The following ZNF594 variants were observed in gnomAD, a reference collection of about 807,000 sequenced individuals.
The protein encoded by ZNF594 is zinc finger protein 594.
For missense variants in ZNF594, 1,037 were observed against 964.6 expected, an observed-to-expected ratio of 1.08 and a Z score of -0.99; for synonymous variants, 336 against 309.4, an observed-to-expected ratio of 1.09 and a Z score of -0.90.
At chr17:5,187,531 T>C (rs1379648187) in intron 1 of ZNF594, among the ~76,000 whole-genome samples, 1 of 152,186 alleles carries the variant, frequency 6.6e-6, no homozygotes, top group Non-Finnish European at 1.5e-5. Context: ...GTCATTAATC[T>C]TCTTGGAGTG....
chr17:5,188,783 T>C (rs1356628639), intron 1 of ZNF594, among the ~76,000 whole-genome samples: 1 of 150,422 alleles, frequency 6.6e-6, no homozygotes, highest in Admixed American at 6.7e-5. Flanking sequence ...AGTCTTGCTC[T>C]GTTACCCAGG....
chr17:5,190,346 G>A (rs1002579225), intron 1 of ZNF594, among the ~76,000 whole-genome samples: 1 of 152,140 alleles, frequency 6.6e-6, no homozygotes, highest in East Asian at 1.9e-4. Context: ...CTAGTCTGTT[G>A]ACAGAGCGAG....
At chr17:5,177,851 A>G (rs1840909684), downstream of ZNF594, among the ~76,000 whole-genome samples, 1 of 152,140 alleles carries the variant, frequency 6.6e-6, no homozygotes, top group Admixed American at 6.5e-5. Context: ...AAATAAAAAT[A>G]AAAATAAACT....
At chr17:5,175,207 G>A (rs1227333390), downstream of ZNF594, among the ~76,000 whole-genome samples, 1 of 152,192 alleles carries the variant, frequency 6.6e-6, no homozygotes, top group Non-Finnish European at 1.5e-5. Context: ...GAACCGGGCT[G>A]CACAGCAGGA....
chr17:5,186,132 C>T (rs1009750748), intron 1 of ZNF594, among the ~76,000 whole-genome samples: 4 of 152,242 alleles, frequency 2.6e-5, no homozygotes, highest in African/African-American at 9.6e-5. Flanking sequence ...CCCCACATTT[C>T]CCTTCTGCAG....
In ZNF594 at chr17:5,183,058, C is replaced by G; in HGVS notation, c.1199G>C (p.Gly400Ala). ...DLIRHQVTHTGEKPYECKECG... is the reference protein window; with the variant it reads ...DLIRHQVTHTAEKPYECKECG... ...TTCTTTACATTCATATGGTTTCTCT[C>G]CTGTATGAGTTACCTGATGTCTGAT... Residue 400 changes from glycine to alanine, a missense_variant, in exon 2 of 2, where the codon GGA (glycine) becomes GCA (alanine). Physicochemically the swap from Gly to Ala is moderately conservative, Grantham distance 60. Transcript: ENST00000575779. 3.7e-6 allele frequency: 6 copies of G among 1,614,122 alleles called. No individual in the cohort carries two copies. The highest frequency in any genetic ancestry group is 2.2e-5 in the East Asian group (1 of 44,870).
At chr17:5,184,696 T>A (rs1010120523) in intron 1 of ZNF594, among the ~76,000 whole-genome samples, 7 of 152,234 alleles carry the variant, frequency 4.6e-5, no homozygotes, top group African/African-American at 1.4e-4. Flanking sequence ...AGCAGCCACA[T>A]AAGTAAATAA....
downstream of ZNF594, chr17:5,175,128 T>C (rs139357080): frequency 1.3e-3 from 219 of 164,928 alleles, no homozygotes; most frequent in African/African-American, 4.6e-3. Context: ...ATCTCTGAGG[T>C]TGGAAACTCT....
chr17:5,184,304 AT>A, intron 1 of ZNF594, 28 bp from the exon 2 acceptor site: 2 of 1,561,686 alleles, frequency 1.3e-6, no homozygotes, highest in Non-Finnish European at 8.6e-7. Flanking sequence ...TCATTCTATA[AT>A]TCCTAAAATA....
intron 1 of ZNF594, among the ~76,000 whole-genome samples, chr17:5,185,229 G>A (rs1197946266): frequency 6.6e-6 from 1 of 152,202 alleles, no homozygotes; most frequent in Non-Finnish European, 1.5e-5. Context: ...AGAAAAAGAG[G>A]TTTAGTTGGA....
In ZNF594 at chr17:5,182,130, T is replaced by C; in HGVS notation, c.2127A>G (p.Glu709=). Residue 709 remains glutamate, a synonymous_variant, in exon 2 of 2, where the codon GAA becomes GAG. Transcript: ENST00000575779. Reference sequence around the variant, plus strand: ...TGAAGAGTTTCCCACATTCCTTACATTCATAGGGTTTCTCACCACTATGAA... The same window carrying C: ...TGAAGAGTTTCCCACATTCCTTACACTCATAGGGTTTCTCACCACTATGAA... ...RRLHSGEKPY[E]CKECGKLFMW... 6.2e-7 allele frequency: 1 copy of C among 1,613,622 alleles called. No homozygotes were observed. The highest frequency in any genetic ancestry group is 8.5e-7 in the Non-Finnish European group (1 of 1,179,994).
chr17:5,176,015 GTTTC>G (rs1366152365), downstream of ZNF594, among the ~76,000 whole-genome samples: 3 of 152,134 alleles, frequency 2.0e-5, no homozygotes, highest in Non-Finnish European at 2.9e-5. Flanking sequence ...TTTGTTGTTT[GTTTC>G]TTTACCTCCT....
intron 1 of ZNF594, among the ~76,000 whole-genome samples, chr17:5,185,221 A>T (rs2074378486): frequency 6.6e-6 from 1 of 152,164 alleles, no homozygotes; most frequent in Non-Finnish European, 1.5e-5. Context: ...GACTGGAGAG[A>T]AAAAGAGGTT....
chr17:5,185,407 GA>G (rs1351894749), intron 1 of ZNF594, among the ~76,000 whole-genome samples: 1 of 152,136 alleles, frequency 6.6e-6, no homozygotes, highest in Non-Finnish European at 1.5e-5. Context: ...TAGTAGGGGG[GA>G]AACTGCCCCC....
At position 5,183,356 on chromosome 17, in the gene ZNF594, CACATTCATT is replaced by C. The variant is rs748206676; in HGVS notation, c.892_900del (p.Asn298_Cys300del). On this transcript the variant is annotated inframe_deletion, in exon 2 of 2. Transcript: ENST00000575779. ...TGAGAATGCTGCCTGAAGGCTTTTT[CACATTCATT>C]ACATTTGAGGGGTTTCTCTCCAGTG... is the stretch of plus-strand genomic sequence containing the variant. The C allele has an allele frequency of 5.6e-6, 9 of 1,613,650 alleles. No homozygotes were observed. In the African/African-American group the frequency reaches 9.3e-5, roughly 17 times the overall value.
chr17:5,181,850 G>A lies in ZNF594; in HGVS notation c.2407C>T (p.Pro803Ser). 6.2e-7 allele frequency: 1 copy of A among 1,613,948 alleles called. No homozygotes were observed. Among genetic ancestry groups the A allele is most frequent in the Non-Finnish European group, 8.5e-7 (1 of 1,179,966 alleles). ...ECGKTQSELR[P>S]SETS ...TGTGAATTCTATGATGTCTCAGAAG[G>A]TCTGAGCTCTGATTGAGTTTTCCCA... is the stretch of plus-strand genomic sequence containing the variant. The change falls in exon 2 of 2, where the codon CCT becomes TCT. Residue 803 changes from proline to serine, a missense_variant. Coordinates refer to ENST00000575779, the MANE Select transcript of ZNF594 (RefSeq NM_032530.2).
At chr17:5,185,118 G>A (rs558079411) in intron 1 of ZNF594, among the ~76,000 whole-genome samples, 1 of 152,278 alleles carries the variant, frequency 6.6e-6, no homozygotes, top group South Asian at 2.1e-4. Context: ...CAAGATAGAT[G>A]AGCTTATTGC....
In ZNF594 at chr17:5,181,403, T is replaced by C. The variant is rs2074338979; in HGVS notation, c.*430A>G. On this transcript the variant is annotated 3_prime_UTR_variant, in exon 2 of 2. Coordinates refer to ENST00000575779, the MANE Select transcript of ZNF594 (RefSeq NM_032530.2). ...TACCACACTGATTACACCAATAAGC[T>C]TTCTCTTCTTGGTGAATTTTCTGCT... is the stretch of plus-strand genomic sequence containing the variant. 6.2e-7 allele frequency: 1 copy of C among 1,613,190 alleles called. No homozygotes were observed. The highest frequency in any genetic ancestry group is 8.5e-7 in the Non-Finnish European group (1 of 1,179,204).
chr17:5,190,068 A>G (rs2144264997), intron 1 of ZNF594, among the ~76,000 whole-genome samples: 1 of 152,330 alleles, frequency 6.6e-6, no homozygotes, highest in Middle Eastern at 3.4e-3. Context: ...GTGTTCCTAA[A>G]GAAAAGAGCA....
Sources: allele counts gnomAD v4.1 joint callset (sites outside exome capture counted in the v4.1 genomes callset), GRCh38; gene constraint gnomAD v4.1.1; transcripts MANE v1.5; gene names NCBI Gene and HGNC (gene_info 2026-07-23, HGNC 2026-07-21).